Variants in LILRA2 observed in about 807,000 individuals in gnomAD.
The protein encoded by LILRA2 is leukocyte immunoglobulin-like receptor subfamily A member 2.
Under a neutral mutation model 47.9 loss-of-function variants are expected in LILRA2, and 45 were observed. That is an observed-to-expected ratio of 0.94 (90% CI 0.74 to 1.20). The LOEUF (loss-of-function observed/expected upper bound fraction) is 1.20. Ranked by LOEUF, LILRA2 falls within the 50% of genes most tolerant of loss-of-function variation. The pLI is 0.00. For synonymous variants in LILRA2, 279 were observed against 249.2 expected (o/e 1.12, Z -1.13); for missense variants, 651 against 598.2 (o/e 1.09, Z -0.92).
rs545691163 is a variant in LILRA2 at position 54,574,684 on chromosome 19, G to T, written c.353-47G>T. 155 of 1,602,766 alleles carry T rather than the reference G, an allele frequency of 9.7e-5. No individual in the cohort carries two copies. In the East Asian group the frequency reaches 3.4e-3, roughly 35 times the overall value. On this transcript the variant is annotated intron_variant, in intron 3 of 7. Transcript: ENST00000391738. ...CTCACAGCTCAACCCTGGGGATGAT[G>T]TGGGAGGTGGGAGCCCCATTTAACA...
chr19:54,586,877 C>G, intron 6 of LILRA2, 133 bp from the exon 7 acceptor site: 1 of 589,018 alleles, frequency 1.7e-6, no homozygotes, highest in Non-Finnish European at 3.0e-6. Flanking sequence ...TGGAGGGAAC[C>G]CTGCTACAGC....
intron 6 of LILRA2, among the ~76,000 whole-genome samples, chr19:54,581,847 C>A (rs973632070): frequency 1.3e-5 from 2 of 148,964 alleles, no homozygotes; most frequent in African/African-American, 5.2e-5. Flanking sequence ...AAAAAGAGCC[C>A]GCATTGTGCC....
At chr19:54,577,461 C>G in intron 6 of LILRA2, 1 of 1,277,712 alleles carries the variant, frequency 7.8e-7, no homozygotes, top group Non-Finnish European at 1.0e-6. Flanking sequence ...TTCTCATTTC[C>G]AAGAGCCCCT....
At position 54,587,485 on chromosome 19, in the gene LILRA2, T is replaced by C. The variant is rs895004056; in HGVS notation, c.*139T>C. On this transcript the variant is annotated 3_prime_UTR_variant, in exon 8 of 8. Coordinates refer to ENST00000391738, the MANE Select transcript of LILRA2 (RefSeq NM_001130917.3). ...GGTCATTTCTAGAGACAGCAATCAA[T>C]ATTTGAGTGTAAGGAAACTGTCTGG... 7.5e-7 allele frequency: 1 copy of C among 1,332,714 alleles called. No homozygotes were observed. Among genetic ancestry groups the C allele is most frequent in the Non-Finnish European group, 1.0e-6 (1 of 989,100 alleles). The allele number at this position is 1,332,714 out of a possible 1,614,324, so 82.6% of individuals were successfully genotyped here.
rs777251110 is a variant in LILRA2, at chr19:54,586,729, C to T, written c.1256-281C>T. ...GGCTGCACAGAGAGCACATAAGGTC[C>T]TGGTTATTTCTGTATTGGGGACCAC... On this transcript the variant is annotated intron_variant, in intron 6 of 7. Coordinates refer to ENST00000391738, the MANE Select transcript of LILRA2 (RefSeq NM_001130917.3). 3.6e-3 allele frequency among the ~76,000 whole-genome samples: 548 copies of T among 152,198 alleles called. No individual in the cohort carries two copies. The South Asian group carries it at 0.071, about 20-fold the overall frequency.
chr19:54,573,955 C>T, intron 1 of LILRA2, 43 bp downstream of exon 1: 1 of 1,613,234 alleles, frequency 6.2e-7, no homozygotes, highest in African/African-American at 1.3e-5. Flanking sequence ...CTAGGAGGGA[C>T]CTCACCCCAC....
intron 6 of LILRA2, 50 bp from the exon 7 acceptor site, chr19:54,586,960 C>T (rs1303176385): frequency 7.1e-7 from 1 of 1,408,664 alleles, no homozygotes; most frequent in Middle Eastern, 2.0e-4. Context: ...AATGCAGAGC[C>T]CAGGAGTGAG....
Position 54,574,905 on chromosome 19 carries a change from C to T in LILRA2, c.527C>T (p.Ser176Phe), listed in dbSNP as rs779017823. 10 of 1,614,274 alleles carry T rather than the reference C, an allele frequency of 6.2e-6. No homozygotes were observed. The highest frequency in any genetic ancestry group is 1.7e-5 in the Admixed American group (1 of 60,038). Residue 176 changes from serine to phenylalanine, a missense_variant, in exon 4 of 8, where the codon TCC (serine) becomes TTC (phenylalanine). Physicochemically the swap from Ser to Phe is radical, Grantham distance 155. Transcript: ENST00000391738. ...TCCCATTCCCATGCCCGTGGGTGGT[C>T]CTGGGCCATCTTCTCCGTGGGCCCC... is the stretch of plus-strand genomic sequence containing the variant. Reference protein sequence around the residue: ...LNSHSHARGWSWAIFSVGPVS... With the variant: ...LNSHSHARGWFWAIFSVGPVS...
At chr19:54,581,858 G>A (rs369069726) in intron 6 of LILRA2, among the ~76,000 whole-genome samples, 5 of 151,994 alleles carry the variant, frequency 3.3e-5, no homozygotes, top group African/African-American at 9.7e-5. Context: ...GCATTGTGCC[G>A]GTTTTCAAAG....
intron 6 of LILRA2, among the ~76,000 whole-genome samples, chr19:54,579,496 G>A (rs1366986556): frequency 6.6e-6 from 1 of 152,182 alleles, no homozygotes; most frequent in Non-Finnish European, 1.5e-5. Flanking sequence ...GTACCATGCT[G>A]CTTTGGTTAC....
intron 6 of LILRA2, among the ~76,000 whole-genome samples, chr19:54,582,318 T>C (rs2062665656): frequency 6.6e-6 from 1 of 152,206 alleles, no homozygotes; most frequent in Non-Finnish European, 1.5e-5. Context: ...TTCCCTCTTT[T>C]TCCATTGACT....
intron 7 of LILRA2, 25 bp from the exon 8 acceptor site, chr19:54,587,176 T>A (rs1178259350): frequency 2.5e-6 from 4 of 1,614,050 alleles, no homozygotes; most frequent in Admixed American, 3.3e-5. Flanking sequence ...CGATCTGCCC[T>A]GACCTCTGTG....
In LILRA2 at chr19:54,587,367, T is replaced by C. The variant is rs141722714; in HGVS notation, c.*21T>C. 8,444 of 1,613,332 alleles carry C rather than the reference T, an allele frequency of 5.2e-3. No individual in the cohort carries two copies. The South Asian group carries it at 0.066, about 13-fold the overall frequency. ...GGTGAACAGCAGAGAGGACAATGCA[T>C]CCTTCAGCGTGGTGGAGCCTCAGGG... On this transcript the variant is annotated 3_prime_UTR_variant, in exon 8 of 8. Transcript: ENST00000391738.
At position 54,574,360 on chromosome 19, in the gene LILRA2, C is replaced by G. The variant is rs371300014; in HGVS notation, c.130C>G (p.Pro44Ala). ...EPGSVIIQGS[P>A]VTLRCQGSLQ... ...AGGCTCTGTGATCATCCAGGGAAGT[C>G]CTGTGACCCTCAGGTGTCAGGGGAG... Residue 44 changes from proline (P) to alanine (A), a missense_variant, in exon 3 of 8, where the codon CCT becomes GCT. Transcript: ENST00000391738. The G allele has an allele frequency of 6.4e-5, 104 of 1,614,108 alleles. No individual in the cohort carries two copies. The highest frequency in any genetic ancestry group is 8.6e-5 in the Non-Finnish European group (101 of 1,180,034).
At chr19:54,573,707 T>C (rs1250797624), upstream of LILRA2, 18 of 770,980 alleles carry the variant, frequency 2.3e-5, no homozygotes, top group Non-Finnish European at 1.9e-5. Flanking sequence ...GCCCTAAAGG[T>C]ATGACAGCCA....
chr19:54,576,146 G>A, intron 6 of LILRA2, 37 bp downstream of exon 6: 1 of 1,610,712 alleles, frequency 6.2e-7, no homozygotes, highest in Middle Eastern at 1.7e-4. Context: ...GAGCTCAAAG[G>A]CTCAGCTCAG....
chr19:54,585,128 T>C (rs1193653626), intron 6 of LILRA2, among the ~76,000 whole-genome samples: 1 of 152,180 alleles, frequency 6.6e-6, no homozygotes, highest in Admixed American at 6.5e-5. Context: ...ACAGCAAATA[T>C]TGCTGCCTGA....
rs373716293 is a variant in LILRA2, at chr19:54,577,279, G to A, written c.1255+1170G>A. ...AGCTCTGCAGGACCCCCAGCCCCTG[G>A]CCTTGTCCTGCAGGATGTGTGATGA... On this transcript the variant is annotated intron_variant, in intron 6 of 7. Coordinates refer to ENST00000391738, the MANE Select transcript of LILRA2 (RefSeq NM_001130917.3). 4.1e-3 allele frequency among the ~76,000 whole-genome samples: 617 copies of A among 152,044 alleles called. 3 individuals are homozygous for A. In the South Asian group the frequency reaches 0.093, roughly 23 times the overall value.
Position 54,574,931 on chromosome 19 carries a change from G to C in LILRA2, c.553G>C (p.Val185Leu), listed in dbSNP as rs137946359. Residue 185 changes from valine to leucine, a missense_variant, in exon 4 of 8, where the codon GTG becomes CTG. By Grantham distance (32) the Val-to-Leu change is conservative (BLOSUM62 1). Coordinates refer to ENST00000391738, the MANE Select transcript of LILRA2 (RefSeq NM_001130917.3). ...WSWAIFSVGPVSPSRRWSYRC... is the reference protein window; with the variant it reads ...WSWAIFSVGPLSPSRRWSYRC... ...CTGGGCCATCTTCTCCGTGGGCCCC[G>C]TGAGCCCGAGTCGCAGGTGGTCGTA... The C allele has an allele frequency of 3.7e-6, 6 of 1,614,280 alleles. No homozygotes were observed. Among genetic ancestry groups the C allele is most frequent in the Middle Eastern group, 1.6e-4 (1 of 6,062 alleles).
Sources: gnomAD v4.1 joint callset for allele counts (sites outside exome capture counted in the v4.1 genomes callset) on GRCh38, gnomAD v4.1.1 for gene constraint, MANE v1.5 for transcripts, NCBI Gene and HGNC (gene_info 2026-07-23, HGNC 2026-07-21) for gene names.